Variants in ECPAS observed in about 807,000 individuals in gnomAD.
ECPAS encodes proteasome adapter and scaffold protein ECM29.
In ECPAS, 70 loss-of-function variants were observed where a neutral mutation model predicts 255.1. That is an observed-to-expected ratio of 0.27 (90% CI 0.23 to 0.33). ECPAS has a LOEUF of 0.33. Among genes scored for constraint, ECPAS ranks in the 10% least tolerant of loss-of-function variants. ECPAS has a pLI of 1.00. For synonymous variants in ECPAS, 784 were observed against 775.0 expected (o/e 1.01, Z -0.19); for missense variants, 1,817 against 2,206.4 (o/e 0.82, Z 3.54).
rs1160870105 is a variant in ECPAS, at chr9:111,366,564, A to T, written c.5177T>A (p.Val1726Glu). 6.2e-7 allele frequency: 1 copy of T among 1,613,300 alleles called. No homozygotes were observed. The highest frequency in any genetic ancestry group is 8.5e-7 in the Non-Finnish European group (1 of 1,179,586). ...CATTGATTGCAGGACTCCTAGCTGC[A>T]CTTTCCACGTGCTGAGTTTTAGCCG... is the stretch of plus-strand genomic sequence containing the variant. ...CERLKLSTWK[V>E]QLGVLQSMNA... Residue 1726 changes from valine to glutamate, a missense_variant, in exon 47 of 50, where the codon GTG becomes GAG. Around this residue, in one of 4 missense-constraint regions of ECPAS, gnomAD observed 960 missense variants for 1,179.0 expected, o/e 0.81. Transcript: ENST00000684092.
At position 111,380,996 on chromosome 9, in the gene ECPAS, A is replaced by C. The variant is rs1323011735; in HGVS notation, c.3803+2215T>G. Among the ~76,000 whole-genome samples, 9 of 152,190 alleles carry C rather than the reference A, an allele frequency of 5.9e-5. No individual in the cohort carries two copies. In the East Asian group the frequency reaches 1.7e-3, roughly 29 times the overall value. ...ATTCAAACTTTCTCCCTGTTAGCAAAAGGCTGTTTTGCTTTCTTATCATTT... is the reference window on the plus strand; with the variant it reads ...ATTCAAACTTTCTCCCTGTTAGCAACAGGCTGTTTTGCTTTCTTATCATTT... On this transcript the variant is annotated intron_variant, in intron 35 of 49. Transcript: ENST00000684092.
chr9:111,403,183 T>C (rs969203760), intron 24 of ECPAS, among the ~76,000 whole-genome samples: 31 of 139,830 alleles, frequency 2.2e-4, no homozygotes, highest in Admixed American at 1.1e-3. Context: ...CAAAACCCCA[T>C]CTCTACTGAA....
chr9:111,465,063 G>A (rs967332573), intron 2 of ECPAS, among the ~76,000 whole-genome samples: 7 of 151,998 alleles, frequency 4.6e-5, no homozygotes, highest in South Asian at 4.2e-4. Context: ...GCTTAAGCCC[G>A]GGAGGTGGAG....
chr9:111,403,191 GAAA>G (rs34002065), intron 24 of ECPAS, among the ~76,000 whole-genome samples: 1 of 120,860 alleles, frequency 8.3e-6, no homozygotes, highest in African/African-American at 3.0e-5. Flanking sequence ...CATCTCTACT[GAAA>G]AAAAAAAAAA....
chr9:111,392,950 A>C (rs1336056266), intron 27 of ECPAS, 68 bp from the exon 28 acceptor site: 7 of 1,038,248 alleles, frequency 6.7e-6, no homozygotes, highest in Non-Finnish European at 8.7e-6. Context: ...TGAAATCAAA[A>C]TTTTTAAAGT....
chr9:111,470,757 C>CACAT (rs912675148), intron 2 of ECPAS, among the ~76,000 whole-genome samples: 1 of 150,166 alleles, frequency 6.7e-6, no homozygotes, highest in Admixed American at 6.6e-5. Context: ...CACACACACA[C>CACAT]ACACACACAC....
At position 111,412,046 on chromosome 9, in the gene ECPAS, C is replaced by G. The variant is rs1218021429; in HGVS notation, c.2182G>C (p.Glu728Gln). The G allele has an allele frequency of 1.3e-6, 2 of 1,585,208 alleles. No individual in the cohort carries two copies. Among genetic ancestry groups the G allele is most frequent in the Non-Finnish European group, 1.7e-6 (2 of 1,172,110 alleles). ...VSGNELKSMI[E>Q]QLIKTTKDNH... ...TCTTTTGTAGTCTTTATAAGCTGTT[C>G]TATCATTGATTTCAACTCATTCCCC... Residue 728 changes from glutamate to glutamine, a missense_variant, in exon 21 of 50, where the codon GAA becomes CAA. By Grantham distance (29) the Glu-to-Gln change is conservative. This residue lies in a region of ECPAS where 194 missense variants were observed against 152.8 expected (regional missense o/e 1.27). Coordinates refer to ENST00000684092, the MANE Select transcript of ECPAS (RefSeq NM_001364929.1).
At chr9:111,433,424 C>T in intron 7 of ECPAS, 52 bp from the exon 8 acceptor site, 1 of 1,597,798 alleles carries the variant, frequency 6.3e-7, no homozygotes, top group South Asian at 1.1e-5. Flanking sequence ...GCAAAGGACA[C>T]CCACTGAAAG....
chr9:111,408,442 A>C (rs1473496728), intron 24 of ECPAS, 129 bp downstream of exon 24: 1 of 589,358 alleles, frequency 1.7e-6, no homozygotes, highest in Non-Finnish European at 3.0e-6. Flanking sequence ...CTAGTACTCA[A>C]GTATCTGGTG....
intron 24 of ECPAS, among the ~76,000 whole-genome samples, chr9:111,398,626 C>CA (rs540889704): frequency 2.7e-4 from 41 of 151,760 alleles, no homozygotes; most frequent in African/African-American, 9.7e-4. Context: ...TTAACAGGTA[C>CA]AAAAAAATAG....
chr9:111,425,603 TA>T (rs1316819440), intron 11 of ECPAS, 107 bp from the exon 12 acceptor site: 2 of 1,044,424 alleles, frequency 1.9e-6, no homozygotes, highest in Non-Finnish European at 2.7e-6. Flanking sequence ...ATAAGTTAAA[TA>T]ATCTATTAAA....
chr9:111,444,073 T>A (rs1250899007), intron 4 of ECPAS, among the ~76,000 whole-genome samples: 1 of 152,202 alleles, frequency 6.6e-6, no homozygotes, highest in Non-Finnish European at 1.5e-5. Context: ...ACCCATTTCA[T>A]ACAGTCTCCT....
chr9:111,392,521 T>C (rs952475351), intron 28 of ECPAS, among the ~76,000 whole-genome samples: 12 of 152,340 alleles, frequency 7.9e-5, no homozygotes, highest in African/African-American at 2.9e-4. Flanking sequence ...ACGGCATTTT[T>C]CTAACCCAAT....
chr9:111,379,995 C>T (rs967849356), intron 35 of ECPAS, among the ~76,000 whole-genome samples: 2 of 152,300 alleles, frequency 1.3e-5, no homozygotes, highest in Admixed American at 1.3e-4. Context: ...ACATTTTGAC[C>T]TCCTCCCATG....
rs1239514615 is a variant in ECPAS at position 111,437,074 on chromosome 9, A to T, written c.574T>A (p.Ser192Thr). ...GAAGAAGAACCCTGTGCTGAAGATG[A>T]ATTTTGGCGACTCTGGGATTCATTT... ...VLNESQSRQN[S>T]SSAQGSSSNS... is the part of the protein sequence containing the mutation. Residue 192 changes from serine (S) to threonine (T), a missense_variant, in exon 7 of 50, where the codon TCA (serine) becomes ACA (threonine). Physicochemically the swap from Ser to Thr is moderately conservative, Grantham distance 58. Coordinates refer to ENST00000684092, the MANE Select transcript of ECPAS (RefSeq NM_001364929.1). The T allele has an allele frequency of 6.2e-7, 1 of 1,609,562 alleles. No individual in the cohort carries two copies.
At chr9:111,404,009 C>T (rs536822671) in intron 24 of ECPAS, among the ~76,000 whole-genome samples, 3 of 149,374 alleles carry the variant, frequency 2.0e-5, no homozygotes, top group Non-Finnish European at 4.4e-5. Context: ...TCCTGAACAA[C>T]CAATGGATCT....
chr9:111,463,024 G>A (rs904808833), intron 2 of ECPAS, among the ~76,000 whole-genome samples: 1 of 152,172 alleles, frequency 6.6e-6, no homozygotes, highest in African/African-American at 2.4e-5. Flanking sequence ...GATACTACAA[G>A]TGTGAGCCAC....
At chr9:111,430,214 A>G (rs917725946) in intron 9 of ECPAS, among the ~76,000 whole-genome samples, 2 of 152,224 alleles carry the variant, frequency 1.3e-5, no homozygotes, top group African/African-American at 4.8e-5. Flanking sequence ...TCGGTTATGT[A>G]TTGCCTATAG....
chr9:111,471,324 C>T (rs1044853555), intron 2 of ECPAS, among the ~76,000 whole-genome samples: 3 of 152,108 alleles, frequency 2.0e-5, no homozygotes, highest in East Asian at 1.9e-4. Context: ...TTTCTCTAAA[C>T]GCCCAAGGAA....
Sources: allele counts gnomAD v4.1 joint callset (sites outside exome capture counted in the v4.1 genomes callset), GRCh38; gene constraint gnomAD v4.1.1; regional missense constraint gnomAD v4.1.1; transcripts MANE v1.5; gene names NCBI Gene and HGNC (gene_info 2026-07-23, HGNC 2026-07-21).